The following EPHX3 variants were observed in gnomAD, a reference collection of about 807,000 sequenced individuals.
EPHX3 encodes the protein epoxide hydrolase 3.
A neutral mutation model predicts 40.2 loss-of-function variants in EPHX3; 39 were observed. The observed-to-expected ratio is 0.97, with a 90% CI of 0.75 to 1.27. The LOEUF (loss-of-function observed/expected upper bound fraction) is 1.27, where lower values mean the gene tolerates loss of function less well. Ranked by LOEUF, EPHX3 falls within the 50% of genes most tolerant of loss-of-function variation. The pLI is 0.00. For missense variants in EPHX3, 442 were observed against 474.0 expected (o/e 0.93, Z 0.63); for synonymous variants, 213 against 209.7 (o/e 1.02, Z -0.14).
chr19:15,236,200 G>GT (rs1347818262), upstream of EPHX3: 1 of 152,208 alleles, frequency 6.6e-6, no homozygotes, highest in Non-Finnish European at 1.5e-5. Flanking sequence ...GTTTCAATCA[G>GT]TTTGTCTCTG....
In EPHX3 at chr19:15,231,952, C is replaced by G. The variant is rs1240626920; in HGVS notation, c.243+17G>C. 1 of 1,612,178 alleles carries G rather than the reference C, an allele frequency of 6.2e-7. No homozygotes were observed. The highest frequency in any genetic ancestry group is 2.2e-5 in the East Asian group (1 of 44,892). On this transcript the variant is annotated intron_variant, in intron 1 of 6. Transcript: ENST00000221730. The stretch of plus-strand genomic sequence containing the variant: ...CCACGCGACCCCGCAGCCCCGATAG[C>G]GCCCCCGTGCGATCACCTTGAGGTT...
In EPHX3 at chr19:15,227,565, C is replaced by G. The variant is rs755427921; in HGVS notation, c.955G>C (p.Gly319Arg). ...AAGCGGCCCGGCACAAAGCGGCTGC[C>G]GATGGCTTCCACCAGCCCCAGCTCC... ...YLELGLVEAI[G>R]SRFVPGRLEA... The change falls in exon 7 of 7, where the codon GGC becomes CGC. Residue 319 changes from glycine to arginine, a missense_variant. Transcript: ENST00000221730. 2 of 1,613,918 alleles carry G rather than the reference C, an allele frequency of 1.2e-6. No individual in the cohort carries two copies. Among genetic ancestry groups the G allele is most frequent in the African/African-American group, 2.7e-5 (2 of 74,904 alleles).
rs745532015 is a variant in EPHX3, at chr19:15,231,354, G to GA, written c.371dup (p.His125ProfsTer49). Reference sequence around the variant, plus strand: ...CTCGCAAGTCCACAGCCACAACATGGAAGCGGCTCTGGAACTCCCGGAGCT... The same window carrying GA: ...CTCGCAAGTCCACAGCCACAACATGGAAAGCGGCTCTGGAACTCCCGGAGCT... On this transcript the variant is annotated frameshift_variant, in exon 3 of 7. Transcript: ENST00000221730. LOFTEE classifies it high-confidence loss of function. 20 of 1,613,536 alleles carry GA rather than the reference G, an allele frequency of 1.2e-5. No individual in the cohort carries two copies. In the East Asian group the frequency reaches 2.2e-4, roughly 18 times the overall value.
At chr19:15,231,721 AAGCTCCACCTGCCCCCG>A in intron 2 of EPHX3, 38 bp downstream of exon 2, 1 of 1,575,488 alleles carries the variant, frequency 6.3e-7, no homozygotes, top group Non-Finnish European at 8.7e-7. Flanking sequence ...TTGGGAGCCC[AAGCTCCACCTGCCCCCG>A]AGTCCCGTGG....
upstream of EPHX3, among the ~76,000 whole-genome samples, chr19:15,234,241 C>T (rs2047175464): frequency 6.6e-6 from 1 of 152,170 alleles, no homozygotes; most frequent in African/African-American, 2.4e-5. Flanking sequence ...AGTCATTTGC[C>T]TGAAGACATA....
At position 15,232,348 on chromosome 19, in the gene EPHX3, G is replaced by T. The variant is rs577664031; in HGVS notation, c.-137C>A. 1.5e-6 allele frequency: 2 copies of T among 1,374,790 alleles called. No homozygotes were observed. Among genetic ancestry groups the T allele is most frequent in the East Asian group, 3.0e-5 (1 of 33,098 alleles). 85.2% of individuals were successfully genotyped at this position (1,374,790 alleles called of 1,614,324 possible). On this transcript the variant is annotated 5_prime_UTR_variant, in exon 1 of 7. Transcript: ENST00000221730. The stretch of plus-strand genomic sequence containing the variant: ...GCCGTCGGGATTTGTGGGACGCGCT[G>T]AAGGAAGAGGCGGGCGGCTCCGACA...
chr19:15,235,566 CAAAAAA>C (rs35971341), upstream of EPHX3: 1 of 76,644 alleles, frequency 1.3e-5, no homozygotes, highest in African/African-American at 5.1e-5. Context: ...GAGAACTGCA[CAAAAAA>C]AAAAAAAAAC....
rs546876108 is a variant in EPHX3 at position 15,229,885 on chromosome 19, C to CAAAAAAAAAAAAAAAAAAAAA, written c.616+1056_616+1076dup. ...CTGGCGACAGAGCAAGACTCTGTCT[C>CAAAAAAAAAAAAAAAAAAAAA]AAAAAAAAAAAAAAAAAAAAAAAAA... On this transcript the variant is annotated intron_variant, in intron 4 of 6. Transcript: ENST00000221730. 4.3e-3 allele frequency among the ~76,000 whole-genome samples: 40 copies of CAAAAAAAAAAAAAAAAAAAAA among 9,368 alleles called. 1 individual carries two copies. The highest frequency in any genetic ancestry group is 5.6e-3 in the South Asian group (1 of 180). 6.1% of individuals were successfully genotyped at this position (9,368 alleles called of 152,430 possible).
Position 15,227,381 on chromosome 19 carries a change from T to G in EPHX3, c.*56A>C, listed in dbSNP as rs2047119281. ...TGGACTCCCAGGCACACACAGATAA[T>G]GGGTGTGTGTTCCTTCCTGAGTATC... On this transcript the variant is annotated 3_prime_UTR_variant, in exon 7 of 7. Transcript: ENST00000221730. The G allele has an allele frequency of 1.4e-6, 2 of 1,402,244 alleles. No individual in the cohort carries two copies. The highest frequency in any genetic ancestry group is 2.0e-6 in the Non-Finnish European group (2 of 989,652). The allele number at this position is 1,402,244 out of a possible 1,614,324, so 86.9% of individuals were successfully genotyped here.
intron 4 of EPHX3, among the ~76,000 whole-genome samples, chr19:15,229,688 A>T (rs201475767): frequency 2.0e-5 from 3 of 151,056 alleles, no homozygotes; most frequent in East Asian, 3.9e-4. Flanking sequence ...AGGTCAGGAG[A>T]TCAAGACCAT....
chr19:15,227,865 A>G lies in EPHX3; in HGVS notation c.763T>C (p.Cys255Arg). 6.2e-7 allele frequency: 1 copy of G among 1,614,090 alleles called. No individual in the cohort carries two copies. The highest frequency in any genetic ancestry group is 8.5e-7 in the Non-Finnish European group (1 of 1,180,018). Residue 255 changes from cysteine to arginine, a missense_variant, in exon 6 of 7, where the codon TGC becomes CGC. Transcript: ENST00000221730. Reference sequence around the variant, plus strand: ...GCCTCGAGCTCGCTGGGGGTCAAGCATGGGATGCCTGTCTTGCGGTGGGTG... The same window carrying G: ...GCCTCGAGCTCGCTGGGGGTCAAGCGTGGGATGCCTGTCTTGCGGTGGGTG... ...TLTHRKTGIP[C>R]LTPSELEAFL...
chr19:15,236,788 T>C (rs551328609), upstream of EPHX3: 2 of 177,962 alleles, frequency 1.1e-5, no homozygotes, highest in East Asian at 1.9e-4. Flanking sequence ...CCCCTGGGCC[T>C]AGCCTAGGCA....
chr19:15,236,854 G>GTGTT (rs952928404), upstream of EPHX3: 1 of 188,608 alleles, frequency 5.3e-6, no homozygotes, highest in African/African-American at 2.3e-5. Context: ...AAAGAGAGAT[G>GTGTT]TGTTTATTCC....
chr19:15,236,204 G>C (rs1163116635), upstream of EPHX3: 2 of 152,220 alleles, frequency 1.3e-5, no homozygotes, highest in South Asian at 2.1e-4. Flanking sequence ...CAATCAGTTT[G>C]TCTCTGCATA....
rs2145478703 is a variant in EPHX3, at chr19:15,227,809, G to A, written c.819C>T (p.Gly273=). The change falls in exon 6 of 7, where the codon GGC becomes GGT. Residue 273 remains glycine, a synonymous_variant. Transcript: ENST00000221730. The part of the protein sequence containing the change: ...AFLYNFSQPG[G]LTGPLNYYRN... Reference sequence around the variant, plus strand: ...GGTAGTAGTTGAGGGGCCCAGTGAGGCCACCAGGCTGTGAGAAGTTATAAA... The same window carrying A: ...GGTAGTAGTTGAGGGGCCCAGTGAGACCACCAGGCTGTGAGAAGTTATAAA... 6.2e-7 allele frequency: 1 copy of A among 1,614,070 alleles called. No homozygotes were observed. The highest frequency in any genetic ancestry group is 1.1e-5 in the South Asian group (1 of 91,084).
chr19:15,228,612 G>A (rs569706956), intron 4 of EPHX3, among the ~76,000 whole-genome samples: 24 of 135,432 alleles, frequency 1.8e-4, no homozygotes, highest in Non-Finnish European at 3.2e-4. Context: ...TCCGCCTCCC[G>A]GGTTCACGCC....
In EPHX3 at chr19:15,232,105, GCGGCC is replaced by G; in HGVS notation, c.102_106del (p.Ala35GlyfsTer38). ...GAGCGCTATGCAGCCGTAGACCGCC[GCGGCC>G]ACCAGCGCCACCGAGAACACCAGGC... On this transcript the variant is annotated frameshift_variant, in exon 1 of 7. Coordinates refer to ENST00000221730, the MANE Select transcript of EPHX3 (RefSeq NM_024794.3). LOFTEE classifies it high-confidence loss of function. 3 of 1,516,550 alleles carry G rather than the reference GCGGCC, an allele frequency of 2.0e-6. No individual in the cohort carries two copies. The highest frequency in any genetic ancestry group is 1.5e-5 in the African/African-American group (1 of 68,844). The allele number at this position is 1,516,550 out of a possible 1,614,324, so 93.9% of individuals were successfully genotyped here. A position where few individuals can be genotyped will look rare whatever the true frequency, so the allele number is the denominator to read the frequency against.
chr19:15,236,192 TTCAA>T (rs2047190841), upstream of EPHX3: 2 of 152,192 alleles, frequency 1.3e-5, no homozygotes, highest in South Asian at 2.1e-4. Context: ...CTAGAAATGT[TTCAA>T]TCAGTTTGTC....
chr19:15,232,507 T>C, upstream of EPHX3: 2 of 1,112,698 alleles, frequency 1.8e-6, no homozygotes, highest in South Asian at 2.2e-5. Context: ...GGGCGGGGCC[T>C]AGCAGGTCCT....
Sources: allele counts gnomAD v4.1 joint callset (sites outside exome capture counted in the v4.1 genomes callset), GRCh38; gene constraint gnomAD v4.1.1; transcripts MANE v1.5; gene names NCBI Gene and HGNC (gene_info 2026-07-23, HGNC 2026-07-21).